ASTN2: variants seen among roughly 807,000 people sequenced by gnomAD.
The protein encoded by ASTN2 is astrotactin 2.
A neutral mutation model predicts 139.8 loss-of-function variants in ASTN2; 54 were observed. That is an observed-to-expected ratio of 0.39 (90% CI 0.31 to 0.48). The LOEUF is 0.48. Ranked by LOEUF, ASTN2 falls within the 20% of genes least tolerant of loss-of-function variation. ASTN2 has a pLI of 0.95. For synonymous variants in ASTN2, 756 were observed against 719.5 expected (o/e 1.05, Z -0.81); for missense variants, 1,565 against 1,725.1 (o/e 0.91, Z 1.64).
rs200149323 is a variant in ASTN2, at chr9:117,008,076, G to A, written c.1591+16C>T. On this transcript the variant is annotated intron_variant, in intron 7 of 22. Transcript: ENST00000313400. ...CTCTCCCACCTTCTATCCCCATCCC[G>A]GCTCCCATGGCTCACCGGTTTCTGG... is the stretch of plus-strand genomic sequence containing the variant. The A allele has an allele frequency of 7.1e-5, 111 of 1,565,302 alleles. No individual in the cohort carries two copies. The highest frequency in any genetic ancestry group is 1.1e-4 in the African/African-American group (8 of 74,162).
chr9:116,623,628 A>G (rs983330512), intron 17 of ASTN2, among the ~76,000 whole-genome samples: 1 of 152,226 alleles, frequency 6.6e-6, no homozygotes, highest in Non-Finnish European at 1.5e-5. Context: ...ATGCAGATAC[A>G]GTGACCCAGA....
rs567515215 is a variant in ASTN2, at chr9:116,582,830, C to T, written c.3355+35494G>A. 2.0e-5 allele frequency: 3 copies of T among 152,316 alleles called. No homozygotes were observed. In the East Asian group the frequency reaches 5.8e-4, roughly 29 times the overall value. 9.4% of individuals were successfully genotyped at this position (152,316 alleles called of 1,614,324 possible). A position where few individuals can be genotyped will look rare whatever the true frequency, so the allele number is the denominator to read the frequency against. On this transcript the variant is annotated intron_variant, in intron 19 of 22. Coordinates refer to ENST00000313400, the MANE Select transcript of ASTN2 (RefSeq NM_001365068.1). ...GATCCTCAAAAGGCTTCAAAGGTTC[C>T]CCTTTTCCTACAGGATAAAGTCCAA...
intron 17 of ASTN2, among the ~76,000 whole-genome samples, chr9:116,637,382 T>A (rs189917230): frequency 2.6e-3 from 392 of 152,362 alleles, no homozygotes; most frequent in African/African-American, 9.2e-3. Context: ...AACTATCTCT[T>A]AATTTGTGAA....
chr9:116,765,615 T>C (rs1368881281), intron 13 of ASTN2, among the ~76,000 whole-genome samples: 1 of 152,076 alleles, frequency 6.6e-6, no homozygotes, highest in Non-Finnish European at 1.5e-5. Context: ...AATCTAAATA[T>C]CTATCAATAG....
At chr9:116,621,544 T>C (rs1856155649) in intron 17 of ASTN2, among the ~76,000 whole-genome samples, 1 of 152,086 alleles carries the variant, frequency 6.6e-6, no homozygotes, top group Admixed American at 6.6e-5. Flanking sequence ...CATTCTCTTC[T>C]CTGGAAAGCC....
chr9:117,239,888 G>A (rs530875635), intron 2 of ASTN2, among the ~76,000 whole-genome samples: 3 of 152,288 alleles, frequency 2.0e-5, no homozygotes, highest in East Asian at 3.9e-4. Context: ...ACCAGGAATG[G>A]CATTGTGTGG....
intron 2 of ASTN2, among the ~76,000 whole-genome samples, chr9:117,250,850 T>C (rs1833517734): frequency 6.6e-6 from 1 of 152,202 alleles, no homozygotes; most frequent in African/African-American, 2.4e-5. Context: ...CAAGGGCTTC[T>C]AGGAGGAAGT....
intron 20 of ASTN2, among the ~76,000 whole-genome samples, chr9:116,456,751 C>T (rs1337306692): frequency 5.9e-5 from 9 of 152,156 alleles, no homozygotes; most frequent in Non-Finnish European, 7.4e-5. Flanking sequence ...TCAATTATCT[C>T]CCACTGGTTC....
chr9:117,196,060 G>A (rs1235493161), intron 3 of ASTN2, among the ~76,000 whole-genome samples: 11 of 152,078 alleles, frequency 7.2e-5, no homozygotes, highest in African/African-American at 2.2e-4. Flanking sequence ...CAAGGATTAC[G>A]AACCTCAGTG....
chr9:116,833,420 T>A (rs1219925901), intron 11 of ASTN2, among the ~76,000 whole-genome samples: 2 of 150,070 alleles, frequency 1.3e-5, no homozygotes, highest in Non-Finnish European at 2.9e-5. Flanking sequence ...CGGCTTCCTT[T>A]GGATTTATTT....
intron 11 of ASTN2, among the ~76,000 whole-genome samples, chr9:116,843,296 C>CTGGA (rs936670758): frequency 9.9e-5 from 15 of 152,166 alleles, no homozygotes; most frequent in Non-Finnish European, 1.8e-4. Context: ...ATGGATGCAG[C>CTGGA]TGGAGGCCAT....
chr9:116,510,050 C>T (rs567337916), intron 19 of ASTN2, among the ~76,000 whole-genome samples: 1 of 152,278 alleles, frequency 6.6e-6, no homozygotes, highest in South Asian at 2.1e-4. Context: ...GTTGCCATTG[C>T]TTTTGGTGTT....
In ASTN2 at chr9:117,097,202, G is replaced by C. The variant is rs369564874; in HGVS notation, c.1169-1051C>G. Among the ~76,000 whole-genome samples the C allele has an allele frequency of 9.9e-5, 15 of 152,240 alleles. No homozygotes were observed. The East Asian group carries it at 1.2e-3, about 12-fold the overall frequency. Reference sequence around the variant, plus strand: ...ATGGGAGGAGGAGATGAGTGCAAAGGGTGCTTCAGAGACAAACTCAGAGGA... The same window carrying C: ...ATGGGAGGAGGAGATGAGTGCAAAGCGTGCTTCAGAGACAAACTCAGAGGA... On this transcript the variant is annotated intron_variant, in intron 4 of 22. Transcript: ENST00000313400.
chr9:116,535,957 A>G (rs1458541852), intron 19 of ASTN2, among the ~76,000 whole-genome samples: 1 of 152,184 alleles, frequency 6.6e-6, no homozygotes, highest in Non-Finnish European at 1.5e-5. Context: ...GTGTTTTCCA[A>G]CTTGGTTCCA....
intron 10 of ASTN2, among the ~76,000 whole-genome samples, chr9:116,917,771 A>T (rs901105635): frequency 6.6e-6 from 1 of 152,348 alleles, no homozygotes; most frequent in Non-Finnish European, 1.5e-5. Context: ...TTGTAAAATT[A>T]TTCTGAGCAC....
At chr9:116,613,802 T>C (rs1855684313) in intron 19 of ASTN2, among the ~76,000 whole-genome samples, 1 of 152,154 alleles carries the variant, frequency 6.6e-6, no homozygotes, top group African/African-American at 2.4e-5. Flanking sequence ...AGCATTCTCT[T>C]TGAAAACTGG....
At position 117,178,295 on chromosome 9, in the gene ASTN2, G is replaced by C. The variant is rs145491289; in HGVS notation, c.1015+36063C>G. Among the ~76,000 whole-genome samples the C allele has an allele frequency of 3.0e-3, 462 of 152,312 alleles. 2 individuals are homozygous for C. Among genetic ancestry groups the C allele is most frequent in the African/African-American group, 0.011 (439 of 41,566 alleles). ...GTACTGGTCTATTTTGAGCACTGCT[G>C]TGTCCCTGCTACCTGAAAGGCACCC... is the stretch of plus-strand genomic sequence containing the variant. On this transcript the variant is annotated intron_variant, in intron 3 of 22. Transcript: ENST00000313400.
At chr9:117,252,227 G>A (rs994524491) in intron 2 of ASTN2, among the ~76,000 whole-genome samples, 3 of 152,176 alleles carry the variant, frequency 2.0e-5, no homozygotes, top group African/African-American at 7.2e-5. Flanking sequence ...ACAGTAGGAT[G>A]CCCCCGAAAG....
chr9:116,446,645 TG>T (rs1417146224), intron 20 of ASTN2, among the ~76,000 whole-genome samples: 7 of 152,178 alleles, frequency 4.6e-5, no homozygotes, highest in Admixed American at 6.5e-5. Context: ...AGGCGGCTCA[TG>T]GATAACGTTG....
Sources: allele counts gnomAD v4.1 joint callset (sites outside exome capture counted in the v4.1 genomes callset), GRCh38; gene constraint gnomAD v4.1.1; transcripts MANE v1.5; gene names NCBI Gene and HGNC (gene_info 2026-07-23, HGNC 2026-07-21).